Variants in WDR44 observed in about 807,000 individuals in gnomAD.
WDR44 encodes the protein WD repeat domain 44, also known as WD repeat-containing protein 44.
In WDR44, 9 loss-of-function variants were observed where a neutral mutation model predicts 65.7. That is an observed-to-expected ratio of 0.14 (90% CI 0.08 to 0.24). The LOEUF (loss-of-function observed/expected upper bound fraction) is 0.24, where lower values mean the gene tolerates loss of function less well. Among genes scored for constraint, WDR44 ranks in the 10% least tolerant of loss-of-function variants. The pLI is 1.00. For missense variants in WDR44, 425 were observed against 670.9 expected, an observed-to-expected ratio of 0.63 and a Z score of 4.05; for synonymous variants, 220 against 235.2, an observed-to-expected ratio of 0.94 and a Z score of 0.59.
chrX:118,381,121 A>G (rs1442038465), intron 2 of WDR44, among the ~76,000 whole-genome samples: 2 of 111,918 alleles, frequency 1.8e-5, no homozygotes, highest in African/African-American at 3.2e-5. Flanking sequence ...GAAACATCAC[A>G]TTATACCCTG....
intron 12 of WDR44, among the ~76,000 whole-genome samples, chrX:118,419,171 T>G (rs1390733652): frequency 9.0e-6 from 1 of 111,413 alleles, no homozygotes; most frequent in Non-Finnish European, 1.9e-5. Flanking sequence ...CACACCGGAT[T>G]CGTGCCCTCC....
rs1289349202 is a variant in WDR44 at position 118,424,323 on chromosome X, G to GTGTGTATATATATATATATATA, written c.1738-8457_1738-8456insGTGTATATATATATATATATAT. Among the ~76,000 whole-genome samples, 107 of 65,516 alleles carry GTGTGTATATATATATATATATA rather than the reference G, an allele frequency of 1.6e-3. 2 individuals carry two copies. Among genetic ancestry groups the GTGTGTATATATATATATATATA allele is most frequent in the African/African-American group, 9.8e-3 (99 of 10,061 alleles). 56.9% of individuals were successfully genotyped at this position (65,516 alleles called of 115,157 possible). A position where few individuals can be genotyped will look rare whatever the true frequency, so the allele number is the denominator to read the frequency against. Reference sequence around the variant, plus strand: ...TGTATATATATATATGTGTGTGTGTGTATATATATATATATATATATATAT... The same window carrying GTGTGTATATATATATATATATA: ...TGTATATATATATATGTGTGTGTGTGTGTGTATATATATATATATATATATATATATATATATATATATATAT... On this transcript the variant is annotated intron_variant, in intron 12 of 19. Coordinates refer to ENST00000254029, the MANE Select transcript of WDR44 (RefSeq NM_019045.5).
intron 12 of WDR44, among the ~76,000 whole-genome samples, chrX:118,429,406 T>G (rs1342654985): frequency 2.8e-5 from 3 of 108,255 alleles, no homozygotes; most frequent in Non-Finnish European, 3.8e-5. Flanking sequence ...CTGGCCAACA[T>G]AGTGGAACCC....
chrX:118,411,328 C>T (rs958812633), intron 12 of WDR44, among the ~76,000 whole-genome samples: 4 of 111,676 alleles, frequency 3.6e-5, no homozygotes, highest in African/African-American at 9.7e-5. Context: ...TTCTAATCTT[C>T]TTGGTTTAAT....
At chrX:118,419,319 G>A (rs1210336403) in intron 12 of WDR44, among the ~76,000 whole-genome samples, 1 of 111,810 alleles carries the variant, frequency 8.9e-6, no homozygotes, top group Non-Finnish European at 1.9e-5. Context: ...GGCAGGAATG[G>A]CCTGCTTGAA....
At position 118,420,511 on chromosome X, in the gene WDR44, C is replaced by G. The variant is rs767510678; in HGVS notation, c.1737+9552C>G. 4.6e-3 allele frequency among the ~76,000 whole-genome samples: 517 copies of G among 111,664 alleles called. 2 individuals are homozygous for G. Among genetic ancestry groups the G allele is most frequent in the African/African-American group, 0.016 (480 of 30,753 alleles). ...CAAGTGATCCTCCCACCTCGGCCCC[C>G]CAAAGTGCTGGGATTACAGGCGTGA... On this transcript the variant is annotated intron_variant, in intron 12 of 19. Coordinates refer to ENST00000254029, the MANE Select transcript of WDR44 (RefSeq NM_019045.5).
intron 1 of WDR44, among the ~76,000 whole-genome samples, chrX:118,352,373 T>TTG (rs2056422416): frequency 1.8e-5 from 1 of 54,170 alleles, no homozygotes; most frequent in African/African-American, 7.3e-5. Context: ...TTTTTTTTTT[T>TTG]GTAGAGATGG....
chrX:118,367,042 C>T (rs1321308925), intron 1 of WDR44, among the ~76,000 whole-genome samples: 1 of 108,887 alleles, frequency 9.2e-6, no homozygotes, highest in East Asian at 2.9e-4. Context: ...GCCGAGATCA[C>T]GCCACTGCAC....
At chrX:118,363,834 T>A (rs960506482) in intron 1 of WDR44, among the ~76,000 whole-genome samples, 2 of 112,280 alleles carry the variant, frequency 1.8e-5, no homozygotes. Context: ...ACCAGTTTGC[T>A]AAAGATCATA....
intron 8 of WDR44, among the ~76,000 whole-genome samples, chrX:118,403,836 A>G (rs996604254): frequency 2.7e-5 from 3 of 112,134 alleles, no homozygotes; most frequent in Non-Finnish European, 5.6e-5. Flanking sequence ...TATTACATGC[A>G]CCTACCCAAA....
chrX:118,436,823 G>A lies in WDR44; in HGVS notation c.1973G>A (p.Arg658Lys). The change falls in exon 14 of 20, where the codon AGA (arginine) becomes AAA (lysine). Residue 658 changes from arginine (R) to lysine (K), a missense_variant and splice_region_variant. Physicochemically the swap from Arg to Lys is conservative, Grantham distance 26. Transcript: ENST00000254029. ...DFVTAIAFHP[R>K]DDRYFLSGSL... ...GTCACTGCCATAGCTTTTCATCCAAGAGTAAGTAACTATTTATACATGTTT... is the reference window on the plus strand; with the variant it reads ...GTCACTGCCATAGCTTTTCATCCAAAAGTAAGTAACTATTTATACATGTTT... The A allele has an allele frequency of 8.5e-7, 1 of 1,173,262 alleles. No individual in the cohort carries two copies. Among genetic ancestry groups the A allele is most frequent in the Non-Finnish European group, 1.1e-6 (1 of 875,336 alleles).
chrX:118,441,547 C>T lies in WDR44; in HGVS notation c.2154C>T (p.Phe718=). 2 of 1,202,955 alleles carry T rather than the reference C, an allele frequency of 1.7e-6. No homozygotes were observed. The highest frequency in any genetic ancestry group is 3.6e-5 in the South Asian group (2 of 56,048). ...VIGTYDGRCI[F]YDTEHLKYHT... is the part of the protein sequence containing the mutation. ...GGACATATGATGGCAGATGTATTTT[C>T]TATGATACAGAGGTAAATGATTGTT... Residue 718 remains phenylalanine (F), a synonymous_variant, in exon 15 of 20, where the codon TTC becomes TTT. Transcript: ENST00000254029.
At chrX:118,397,666 C>T (rs975998611) in intron 7 of WDR44, among the ~76,000 whole-genome samples, 2 of 111,406 alleles carry the variant, frequency 1.8e-5, no homozygotes, top group African/African-American at 3.3e-5. Context: ...GACTTTACTA[C>T]GAGATGTATG....
intron 6 of WDR44, among the ~76,000 whole-genome samples, chrX:118,396,674 G>A (rs189219838): frequency 1.8e-5 from 2 of 111,918 alleles, no homozygotes; most frequent in Non-Finnish European, 3.8e-5. Flanking sequence ...AGGGAAATGA[G>A]GTGTGACTGC....
chrX:118,359,866 A>G (rs994936695), intron 1 of WDR44, among the ~76,000 whole-genome samples: 9 of 112,518 alleles, frequency 8.0e-5, no homozygotes, highest in Non-Finnish European at 3.8e-5. Flanking sequence ...GATAATTGTC[A>G]TAACTATTCT....
intron 4 of WDR44, 35 bp downstream of exon 4, chrX:118,393,306 G>T: frequency 8.7e-7 from 1 of 1,155,223 alleles, no homozygotes; most frequent in Non-Finnish European, 1.1e-6. Flanking sequence ...CTGTTGGTTG[G>T]GCACAGTGGC....
At chrX:118,357,209 A>G (rs913909184) in intron 1 of WDR44, among the ~76,000 whole-genome samples, 1 of 111,631 alleles carries the variant, frequency 9.0e-6, no homozygotes, top group Non-Finnish European at 1.9e-5. Context: ...TTTAGAAAAT[A>G]AAGTACTTAA....
At chrX:118,441,809 C>T (rs1008259247) in intron 15 of WDR44, among the ~76,000 whole-genome samples, 5 of 111,577 alleles carry the variant, frequency 4.5e-5, no homozygotes, top group African/African-American at 9.8e-5. Flanking sequence ...GGAGCGATCT[C>T]GGCTCACTAC....
At chrX:118,403,571 A>G (rs1602930665) in intron 8 of WDR44, among the ~76,000 whole-genome samples, 2 of 111,915 alleles carry the variant, frequency 1.8e-5, no homozygotes, top group South Asian at 7.3e-4. Flanking sequence ...CTCTGTATAT[A>G]TAACTTAACA....
Sources: gnomAD v4.1 joint callset for allele counts (sites outside exome capture counted in the v4.1 genomes callset) on GRCh38, gnomAD v4.1.1 for gene constraint, MANE v1.5 for transcripts, NCBI Gene and HGNC (gene_info 2026-07-23, HGNC 2026-07-21) for gene names.